Variants in TIAM1 observed in about 807,000 individuals in gnomAD.
The protein encoded by TIAM1 is TIAM Rac1 associated GEF 1, also known as rho guanine nucleotide exchange factor TIAM1.
TIAM1 carries 65 observed loss-of-function variants against 163.5 expected under a neutral mutation model. The ratio of observed to expected loss-of-function variants is 0.40; its 90% confidence interval spans 0.33 to 0.49. TIAM1 has a LOEUF of 0.49. Ranked by LOEUF, TIAM1 falls within the 20% of genes least tolerant of loss-of-function variation. The probability of loss-of-function intolerance (pLI) is 0.77; values close to 1 mark genes in which losing one functional copy is unlikely to be tolerated. For missense variants in TIAM1, 1,789 were observed against 2,044.7 expected, an observed-to-expected ratio of 0.87 and a Z score of 2.41; for synonymous variants, 833 against 810.1, an observed-to-expected ratio of 1.03 and a Z score of -0.48.
At chr21:31,552,501 C>T (rs569281419) in intron 1 of TIAM1, among the ~76,000 whole-genome samples, 3 of 152,230 alleles carry the variant, frequency 2.0e-5, no homozygotes, top group East Asian at 1.9e-4. Context: ...CCGCCAGGCG[C>T]GGTGGCTCAC....
chr21:31,121,148 C>T (rs1161942905), intron 27 of TIAM1, among the ~76,000 whole-genome samples: 2 of 152,098 alleles, frequency 1.3e-5, no homozygotes, highest in East Asian at 3.9e-4. Flanking sequence ...CTGTTCTAGC[C>T]TGTGCACCTA....
chr21:31,452,448 A>T, intron 2 of TIAM1: 1 of 442,732 alleles, frequency 2.3e-6, no homozygotes, highest in Admixed American at 3.2e-5. Flanking sequence ...CAACAACAAA[A>T]GAAAGGTTAT....
chr21:31,478,819 G>A (rs939724812), intron 1 of TIAM1, among the ~76,000 whole-genome samples: 2 of 152,132 alleles, frequency 1.3e-5, no homozygotes, highest in African/African-American at 4.8e-5. Context: ...AACACAAATG[G>A]GGTGGAGGCA....
chr21:31,430,226 ATATATATATATAT>A (rs1310580276), intron 2 of TIAM1, among the ~76,000 whole-genome samples: 8 of 68,248 alleles, frequency 1.2e-4, no homozygotes, highest in African/African-American at 7.0e-4. Context: ...AAAAAAAAAA[ATATATATATATAT>A]ATATATATAC....
Position 31,294,761 on chromosome 21 carries a change from C to T in TIAM1, c.-188-17853G>A, listed in dbSNP as rs182740569. ...GAGGGAAATTAATCAAGTGTATTCA[C>T]TAAATAGAGCTTGGTGATCAAAATA... On this transcript the variant is annotated intron_variant, in intron 2 of 27. Coordinates refer to ENST00000541036, the MANE Select transcript of TIAM1 (RefSeq NM_001353694.2). 1.6e-4 allele frequency among the ~76,000 whole-genome samples: 24 copies of T among 152,310 alleles called. No homozygotes were observed. The East Asian group carries it at 4.4e-3, about 28-fold the overall frequency.
chr21:31,523,917 CAA>C (rs376067896), intron 1 of TIAM1, among the ~76,000 whole-genome samples: 7 of 92,202 alleles, frequency 7.6e-5, no homozygotes, highest in African/African-American at 4.2e-5. Flanking sequence ...GATTCCATCT[CAA>C]AAAAAAAAAA....
At chr21:31,175,468 T>C (rs140391150) in intron 15 of TIAM1, among the ~76,000 whole-genome samples, 2 of 152,366 alleles carry the variant, frequency 1.3e-5, no homozygotes, top group East Asian at 3.9e-4. Context: ...ATAATTTGCA[T>C]AAAAGCTGAG....
chr21:31,439,735 G>T (rs1036385087), intron 2 of TIAM1, among the ~76,000 whole-genome samples: 1 of 152,194 alleles, frequency 6.6e-6, no homozygotes, highest in East Asian at 1.9e-4. Context: ...GTAAGAAATA[G>T]AACTTACTTT....
chr21:31,303,864 G>T (rs912960594), intron 2 of TIAM1, among the ~76,000 whole-genome samples: 1 of 152,146 alleles, frequency 6.6e-6, no homozygotes, highest in African/African-American at 2.4e-5. Context: ...TGTAATCCCA[G>T]CTACTCAGGA....
intron 2 of TIAM1, among the ~76,000 whole-genome samples, chr21:31,298,390 C>T (rs1023161524): frequency 6.6e-6 from 1 of 152,146 alleles, no homozygotes; most frequent in African/African-American, 2.4e-5. Flanking sequence ...TATTGAAAAC[C>T]TGTGAAAGAG....
intron 2 of TIAM1, among the ~76,000 whole-genome samples, chr21:31,332,816 G>T (rs970833067): frequency 6.6e-6 from 1 of 151,810 alleles, no homozygotes; most frequent in African/African-American, 2.4e-5. Context: ...AAGTCTGTTG[G>T]TTAGAGCTCT....
At chr21:31,381,625 G>A (rs556433184) in intron 2 of TIAM1, among the ~76,000 whole-genome samples, 41 of 152,188 alleles carry the variant, frequency 2.7e-4, no homozygotes, top group Non-Finnish European at 4.6e-4. Context: ...CTGAGATCAC[G>A]CCACTGCACT....
rs2082685701 is a variant in TIAM1 at position 31,137,858 on chromosome 21, C to T, written c.3775-1817G>A. 2.0e-5 allele frequency among the ~76,000 whole-genome samples: 3 copies of T among 149,780 alleles called. No homozygotes were observed. In the Admixed American group the frequency reaches 2.0e-4, roughly 10 times the overall value. ...TGGAGCTAACCAAGAGAAACCAAAC[C>T]TTGGTTGACCTACAAAGCCACATAC... On this transcript the variant is annotated intron_variant, in intron 22 of 27. Coordinates refer to ENST00000541036, the MANE Select transcript of TIAM1 (RefSeq NM_001353694.2).
At chr21:31,387,192 TC>T (rs2076886957) in intron 2 of TIAM1, among the ~76,000 whole-genome samples, 1 of 110,496 alleles carries the variant, frequency 9.1e-6, no homozygotes, top group African/African-American at 3.6e-5. Context: ...AGAAGCTTAT[TC>T]TCTTTTTTTT....
At chr21:31,212,081 T>C (rs542995463) in intron 10 of TIAM1, among the ~76,000 whole-genome samples, 4 of 152,296 alleles carry the variant, frequency 2.6e-5, no homozygotes, top group Non-Finnish European at 5.9e-5. Flanking sequence ...TTTCTTCAAA[T>C]TTCATCAGAC....
At chr21:31,297,922 T>C (rs1569182367) in intron 2 of TIAM1, among the ~76,000 whole-genome samples, 2 of 152,208 alleles carry the variant, frequency 1.3e-5, no homozygotes, top group Non-Finnish European at 2.9e-5. Flanking sequence ...TGCCCGAGTA[T>C]GACGATACAT....
intron 2 of TIAM1, among the ~76,000 whole-genome samples, chr21:31,390,081 A>G (rs1156269665): frequency 6.6e-6 from 1 of 152,244 alleles, no homozygotes; most frequent in African/African-American, 2.4e-5. Flanking sequence ...GACTTTCTTA[A>G]GCAAGAATGA....
rs2081949469 is a variant in TIAM1, at chr21:31,120,320, T to G, written c.*48A>C. Reference sequence around the variant, plus strand: ...GACGGTACAGGAGGGTGGGCAGAGTTAGGGCAGGAAGTATCTACACACATT... The same window carrying G: ...GACGGTACAGGAGGGTGGGCAGAGTGAGGGCAGGAAGTATCTACACACATT... On this transcript the variant is annotated 3_prime_UTR_variant, in exon 28 of 28. Transcript: ENST00000541036. The surrounding 1 kb of genome is among the most constrained non-coding windows in gnomAD (Gnocchi z 4.2). 6.5e-7 allele frequency: 1 copy of G among 1,531,272 alleles called. No homozygotes were observed. 94.9% of individuals were successfully genotyped at this position (1,531,272 alleles called of 1,614,324 possible).
chr21:31,258,922 A>G (rs2072284096), intron 4 of TIAM1, among the ~76,000 whole-genome samples: 1 of 152,098 alleles, frequency 6.6e-6, no homozygotes, highest in African/African-American at 2.4e-5. Context: ...ACAATGTGAC[A>G]GGCTGGTCAG....
Sources: gnomAD v4.1 joint callset for allele counts (sites outside exome capture counted in the v4.1 genomes callset) on GRCh38, gnomAD v4.1.1 for gene constraint, Gnocchi (gnomAD v3.1) non-coding constraint, MANE v1.5 for transcripts, NCBI Gene and HGNC (gene_info 2026-07-23, HGNC 2026-07-21) for gene names.